Variants in LMCD1 observed in about 807,000 individuals in gnomAD.
The protein encoded by LMCD1 is LIM and cysteine rich domains 1.
LMCD1 carries 32 observed loss-of-function variants against 42.7 expected under a neutral mutation model. The ratio of observed to expected loss-of-function variants is 0.75; its 90% CI spans 0.57 to 1.01. The LOEUF is 1.01. Ranked by LOEUF, LMCD1 falls within the 50% of genes least tolerant of loss-of-function variation. The probability of loss-of-function intolerance (pLI) is 0.00; values close to 1 mark genes in which losing one functional copy is unlikely to be tolerated. For missense variants in LMCD1, 458 were observed against 483.1 expected, an observed-to-expected ratio of 0.95 and a Z score of 0.49; for synonymous variants, 178 against 184.9, an observed-to-expected ratio of 0.96 and a Z score of 0.30.
chr3:8,572,348 A>G lies in LMCD1; in HGVS notation c.*4750A>G, dbSNP rs1695232182. The G allele has an allele frequency of 2.0e-5, 3 of 152,200 alleles. No individual in the cohort carries two copies. Among genetic ancestry groups the G allele is most frequent in the Admixed American group, 1.3e-4 (2 of 15,288 alleles). 9.4% of individuals were successfully genotyped at this position (152,200 alleles called of 1,614,324 possible). A position where few individuals can be genotyped will look rare whatever the true frequency, so the allele number is the denominator to read the frequency against. On this transcript the variant is annotated 3_prime_UTR_variant, in exon 6 of 6. Transcript: ENST00000157600. ...TGTTGACATGAATTTTGAACATTTG[A>G]TAATGCCAGTATCAGCCAGATTTTT...
At chr3:8,517,383 G>A (rs1248125922) in intron 1 of LMCD1, among the ~76,000 whole-genome samples, 1 of 152,180 alleles carries the variant, frequency 6.6e-6, no homozygotes, top group Non-Finnish European at 1.5e-5. Flanking sequence ...TTACATATAT[G>A]CAAATATTCC....
chr3:8,544,121 G>A (rs368436994), intron 3 of LMCD1, among the ~76,000 whole-genome samples: 9 of 151,966 alleles, frequency 5.9e-5, no homozygotes, highest in African/African-American at 1.7e-4. Context: ...CTGTAACCTC[G>A]GGTTAGTGAT....
chr3:8,543,397 T>TGATAAATA (rs1694667602), intron 3 of LMCD1, among the ~76,000 whole-genome samples: 1 of 92,772 alleles, frequency 1.1e-5, no homozygotes, highest in African/African-American at 3.9e-5. Context: ...GATAGATAGA[T>TGATAAATA]GATAGATAGA....
chr3:8,560,190 C>A (rs7628035), intron 4 of LMCD1, among the ~76,000 whole-genome samples: 52,965 of 151,940 alleles, frequency 0.35, 10,464 homozygotes, highest in African/African-American at 0.53. Context: ...CTTTGAGCTC[C>A]GGAGTTCAAG....
At chr3:8,526,647 G>C (rs149587098) in intron 1 of LMCD1, among the ~76,000 whole-genome samples, 2 of 152,186 alleles carry the variant, frequency 1.3e-5, no homozygotes, top group African/African-American at 4.8e-5. Flanking sequence ...TCATAGGTCT[G>C]GGGTGAGGCT....
chr3:8,527,671 G>GAC (rs780627172), intron 1 of LMCD1, among the ~76,000 whole-genome samples: 6 of 152,202 alleles, frequency 3.9e-5, no homozygotes, highest in Admixed American at 2.0e-4. Flanking sequence ...ACCTGTAAAA[G>GAC]ACACGTCTGC....
intron 3 of LMCD1, among the ~76,000 whole-genome samples, chr3:8,544,686 T>C (rs1362353558): frequency 6.6e-6 from 1 of 152,176 alleles, no homozygotes; most frequent in East Asian, 1.9e-4. Context: ...ACAGGGTCTG[T>C]ACAATATGCA....
intron 4 of LMCD1, among the ~76,000 whole-genome samples, chr3:8,554,236 C>T (rs1025125973): frequency 1.3e-5 from 2 of 152,230 alleles, no homozygotes; most frequent in South Asian, 2.1e-4. Context: ...ATACCCATTT[C>T]GCAGATGAGG....
chr3:8,539,625 A>G (rs1694579484), intron 3 of LMCD1, among the ~76,000 whole-genome samples: 1 of 152,108 alleles, frequency 6.6e-6, no homozygotes, highest in South Asian at 2.1e-4. Context: ...CCCCAAACAC[A>G]TTGACCCCAG....
At chr3:8,546,401 T>C (rs1338199889) in intron 3 of LMCD1, among the ~76,000 whole-genome samples, 1 of 152,222 alleles carries the variant, frequency 6.6e-6, no homozygotes, top group Non-Finnish European at 1.5e-5. Flanking sequence ...TTGGAGCAGC[T>C]TGGTAGGCGC....
chr3:8,521,455 A>G (rs1414388649), intron 1 of LMCD1, among the ~76,000 whole-genome samples: 2 of 152,176 alleles, frequency 1.3e-5, no homozygotes, highest in Admixed American at 6.5e-5. Flanking sequence ...GACTTTTTCC[A>G]TGCTTCCCCT....
intron 1 of LMCD1, among the ~76,000 whole-genome samples, chr3:8,515,961 G>C (rs140725098): frequency 6.6e-6 from 1 of 152,260 alleles, no homozygotes; most frequent in East Asian, 1.9e-4. Flanking sequence ...GGAATCTTAA[G>C]ATGAAAAGGA....
chr3:8,563,112 C>T (rs988165570), intron 4 of LMCD1, among the ~76,000 whole-genome samples: 2 of 152,176 alleles, frequency 1.3e-5, no homozygotes, highest in African/African-American at 4.8e-5. Context: ...TATTGTTCAT[C>T]TACTATGTGC....
At chr3:8,525,427 C>T (rs780172137) in intron 1 of LMCD1, among the ~76,000 whole-genome samples, 2 of 151,810 alleles carry the variant, frequency 1.3e-5, no homozygotes, top group Non-Finnish European at 2.9e-5. Flanking sequence ...TGTGTGTGTA[C>T]GTGGGTGTAT....
intron 4 of LMCD1, among the ~76,000 whole-genome samples, chr3:8,553,377 A>T (rs3774216): frequency 0.3 from 45,558 of 152,128 alleles, 7,606 homozygotes; most frequent in African/African-American, 0.44. Context: ...CATTGGAAAA[A>T]AATGTCCACA....
At chr3:8,546,190 G>A (rs1477907671) in intron 3 of LMCD1, among the ~76,000 whole-genome samples, 1 of 152,120 alleles carries the variant, frequency 6.6e-6, no homozygotes, top group East Asian at 1.9e-4. Flanking sequence ...GATCAGGAGT[G>A]TCCAATCTTT....
At chr3:8,525,984 G>A (rs933496823) in intron 1 of LMCD1, among the ~76,000 whole-genome samples, 1 of 152,186 alleles carries the variant, frequency 6.6e-6, no homozygotes, top group South Asian at 2.1e-4. Context: ...TCAAAGCGTG[G>A]TCCCTGGGAC....
At chr3:8,563,571 A>AAT (rs1160113700) in intron 4 of LMCD1, among the ~76,000 whole-genome samples, 1 of 152,252 alleles carries the variant, frequency 6.6e-6, no homozygotes, top group Non-Finnish European at 1.5e-5. Context: ...GTATTTAAAA[A>AAT]ATAATGTTAG....
intron 3 of LMCD1, among the ~76,000 whole-genome samples, chr3:8,545,878 G>A (rs1694724859): frequency 6.6e-6 from 1 of 152,212 alleles, no homozygotes; most frequent in Non-Finnish European, 1.5e-5. Context: ...GCTCACACCT[G>A]TAATCCCAGC....
Sources: allele counts gnomAD v4.1 joint callset (sites outside exome capture counted in the v4.1 genomes callset), GRCh38; gene constraint gnomAD v4.1.1; transcripts MANE v1.5; gene names NCBI Gene and HGNC (gene_info 2026-07-23, HGNC 2026-07-21).